The following LRPPRC variants were observed in gnomAD, a reference collection of about 807,000 sequenced individuals.
The protein encoded by LRPPRC is leucine rich pentatricopeptide repeat containing.
LRPPRC carries 120 observed loss-of-function variants against 180.3 expected under a neutral mutation model. That is an observed-to-expected ratio of 0.67 (90% CI 0.57 to 0.77). LRPPRC has a LOEUF of 0.77. LRPPRC is among the 30% of genes least tolerant of loss of function. The pLI is 0.00. For missense variants in LRPPRC, 2,012 were observed against 1,657.2 expected, an observed-to-expected ratio of 1.21 and a Z score of -3.72; for synonymous variants, 723 against 600.0, an observed-to-expected ratio of 1.21 and a Z score of -3.00.
chr2:43,994,156 A>G (rs1362961742), intron 1 of LRPPRC, among the ~76,000 whole-genome samples: 1 of 152,224 alleles, frequency 6.6e-6, no homozygotes, highest in East Asian at 1.9e-4. Flanking sequence ...ACTTTCTCAA[A>G]AGAAACTCTG....
chr2:43,918,288 C>T lies in LRPPRC; in HGVS notation c.3007G>A (p.Gly1003Ser). The T allele has an allele frequency of 1.9e-6, 3 of 1,612,782 alleles. No homozygotes were observed. The highest frequency in any genetic ancestry group is 2.5e-6 in the Non-Finnish European group (3 of 1,178,930). ...ACGTCAAACGGAACTTCCTGGTTAC[C>T]CTCTCTAAGGATTTCTGCTAATAAT... ...LRLLAEILRE[G>S]NQEVPFDVPE... The change falls in exon 28 of 38, where the codon GGT becomes AGT. Residue 1003 changes from glycine to serine, a missense_variant. Coordinates refer to ENST00000260665, the MANE Select transcript of LRPPRC (RefSeq NM_133259.4).
At chr2:43,960,010 A>C (rs886142482) in intron 13 of LRPPRC, among the ~76,000 whole-genome samples, 2 of 152,260 alleles carry the variant, frequency 1.3e-5, no homozygotes, top group Admixed American at 6.5e-5. Flanking sequence ...CTATGCCTTT[A>C]GTCATCTATC....
chr2:43,940,882 T>A (rs1672455106), intron 23 of LRPPRC, among the ~76,000 whole-genome samples: 1 of 152,178 alleles, frequency 6.6e-6, no homozygotes, highest in Non-Finnish European at 1.5e-5. Context: ...ATGATTTTAA[T>A]AAGATAAAAT....
chr2:43,953,996 C>T (rs751884809), intron 14 of LRPPRC, among the ~76,000 whole-genome samples: 8 of 152,176 alleles, frequency 5.3e-5, no homozygotes, highest in Non-Finnish European at 1.0e-4. Flanking sequence ...ACAGCGAGAC[C>T]TCATCTCCAT....
intron 27 of LRPPRC, among the ~76,000 whole-genome samples, chr2:43,920,983 A>T (rs1397414029): frequency 6.6e-6 from 1 of 152,150 alleles, no homozygotes; most frequent in Non-Finnish European, 1.5e-5. Context: ...GATATTACAG[A>T]GATGCACCTA....
intron 1 of LRPPRC, among the ~76,000 whole-genome samples, chr2:43,989,462 T>G (rs1446161301): frequency 6.6e-6 from 1 of 152,196 alleles, no homozygotes; most frequent in Non-Finnish European, 1.5e-5. Context: ...GTTAACCAGA[T>G]TGGGACCGAT....
rs1672192487 is a variant in LRPPRC at position 43,934,279 on chromosome 2, G to T, written c.2647C>A (p.Gln883Lys). The T allele has an allele frequency of 6.2e-7, 1 of 1,601,576 alleles. No homozygotes were observed. The highest frequency in any genetic ancestry group is 8.6e-7 in the Non-Finnish European group (1 of 1,169,454). ...LIQKAMDFVS[Q>K]EQGEMVMLYD... is the part of the protein sequence containing the mutation. ...AGCATCACCATTTCACCTTGTTCTT[G>T]GCTCACAAAGTCCATTGCTAGGTAG... Residue 883 changes from glutamine (Q) to lysine (K), a missense_variant, in exon 25 of 38, where the codon CAA becomes AAA. By Grantham distance (53) the Gln-to-Lys change is moderately conservative. Coordinates refer to ENST00000260665, the MANE Select transcript of LRPPRC (RefSeq NM_133259.4).
At chr2:43,971,003 G>C (rs1452226153) in intron 11 of LRPPRC, among the ~76,000 whole-genome samples, 1 of 151,990 alleles carries the variant, frequency 6.6e-6, no homozygotes, top group Non-Finnish European at 1.5e-5. Flanking sequence ...AGGAAGCTGA[G>C]GCAAGAGAAT....
At chr2:43,920,359 C>T (rs1262349421) in intron 27 of LRPPRC, among the ~76,000 whole-genome samples, 1 of 152,134 alleles carries the variant, frequency 6.6e-6, no homozygotes, top group African/African-American at 2.4e-5. Flanking sequence ...TGGTCTTGAA[C>T]CCCTGACCTC....
In LRPPRC at chr2:43,896,615, A is replaced by T; in HGVS notation, c.3900+19T>A. On this transcript the variant is annotated intron_variant, in intron 35 of 37. Transcript: ENST00000260665. ...GCACGTACAGTATCATTGATTTGTA[A>T]GCAGGTAAAGCACAGTACCTTTCCT... 6.7e-7 allele frequency: 1 copy of T among 1,494,418 alleles called. No homozygotes were observed. The highest frequency in any genetic ancestry group is 1.4e-5 in the African/African-American group (1 of 72,908). 92.6% of individuals were successfully genotyped at this position (1,494,418 alleles called of 1,614,324 possible).
chr2:43,952,606 G>C (rs1672948652), intron 14 of LRPPRC, among the ~76,000 whole-genome samples: 1 of 152,098 alleles, frequency 6.6e-6, no homozygotes, highest in South Asian at 2.1e-4. Context: ...ACCTCTTTCA[G>C]GAACTGTCCT....
At chr2:43,915,981 T>C (rs1162149569) in intron 29 of LRPPRC, among the ~76,000 whole-genome samples, 4 of 152,094 alleles carry the variant, frequency 2.6e-5, no homozygotes, top group African/African-American at 9.7e-5. Flanking sequence ...GCCAGGCAGG[T>C]CTCAAACTCC....
At chr2:43,987,088 C>A (rs924761375) in intron 1 of LRPPRC, among the ~76,000 whole-genome samples, 3 of 152,160 alleles carry the variant, frequency 2.0e-5, no homozygotes, top group African/African-American at 7.2e-5. Context: ...ACCAGCCTTG[C>A]ACAGTTGGAA....
rs761896659 is a variant in LRPPRC, at chr2:43,975,091, C to T, written c.864G>A (p.Gln288=). The change falls in exon 7 of 38, where the codon CAG becomes CAA. Residue 288 remains glutamine (Q), a splice_region_variant and synonymous_variant. Coordinates refer to ENST00000260665, the MANE Select transcript of LRPPRC (RefSeq NM_133259.4). ...ATGTTTATTTAGACATAAGTCATAC[C>T]TGCTTAACATGGTCAATGTCGCCCT... ...AEKGDIDHVK[Q]TLEKVEKSEL... 12 of 1,612,340 alleles carry T rather than the reference C, an allele frequency of 7.4e-6. No individual in the cohort carries two copies. In the East Asian group the frequency reaches 2.2e-4, roughly 30 times the overall value.
Position 43,925,953 on chromosome 2 carries a change from C to A in LRPPRC, c.2745G>T (p.Gly915=), listed in dbSNP as rs1329506155. The change falls in exon 26 of 38, where the codon GGG becomes GGT. Residue 915 remains glycine, a synonymous_variant. Coordinates refer to ENST00000260665, the MANE Select transcript of LRPPRC (RefSeq NM_133259.4). ...KEAKKIIETP[G]IRARSARLQW... ...GAAGCCTTGCAGATCGAGCTCTAAT[C>A]CCTGGAGTCTGTAAAATAAAATAAT... is the stretch of plus-strand genomic sequence containing the variant. 2.5e-6 allele frequency: 4 copies of A among 1,602,698 alleles called. No individual in the cohort carries two copies. The highest frequency in any genetic ancestry group is 3.4e-6 in the Non-Finnish European group (4 of 1,169,764).
intron 25 of LRPPRC, among the ~76,000 whole-genome samples, chr2:43,930,437 G>A (rs984523781): frequency 6.6e-6 from 1 of 152,106 alleles, no homozygotes; most frequent in African/African-American, 2.4e-5. Flanking sequence ...GACCAGAAGC[G>A]TTCCAGATTT....
At position 43,947,694 on chromosome 2, in the gene LRPPRC, AT is replaced by A; in HGVS notation, c.1965+36del. On this transcript the variant is annotated intron_variant, in intron 19 of 37. Coordinates refer to ENST00000260665, the MANE Select transcript of LRPPRC (RefSeq NM_133259.4). ...TCCAGAATACTCATTAAATATGGGT[AT>A]TATAGCATGTAGAATCTAGTCAAAA... The A allele has an allele frequency of 3.4e-6, 4 of 1,193,414 alleles. No homozygotes were observed. In the East Asian group the frequency reaches 9.3e-5, roughly 28 times the overall value. The allele number at this position is 1,193,414 out of a possible 1,614,324, so 73.9% of individuals were successfully genotyped here. A position where few individuals can be genotyped will look rare whatever the true frequency, so the allele number is the denominator to read the frequency against.
At chr2:43,955,777 G>C (rs986300436) in intron 14 of LRPPRC, among the ~76,000 whole-genome samples, 3 of 152,074 alleles carry the variant, frequency 2.0e-5, no homozygotes, top group Admixed American at 6.5e-5. Flanking sequence ...ACCAATAACT[G>C]ATTCAACAAG....
chr2:43,965,045 A>G (rs1673495861), intron 11 of LRPPRC, among the ~76,000 whole-genome samples: 1 of 152,166 alleles, frequency 6.6e-6, no homozygotes, highest in South Asian at 2.1e-4. Context: ...TCGGTCGCCC[A>G]AGCTGGAGTG....
Sources: gnomAD v4.1 joint callset for allele counts (sites outside exome capture counted in the v4.1 genomes callset) on GRCh38, gnomAD v4.1.1 for gene constraint, MANE v1.5 for transcripts, NCBI Gene and HGNC (gene_info 2026-07-23, HGNC 2026-07-21) for gene names.